Variants in DLG2 observed in about 807,000 individuals in gnomAD.
DLG2 encodes disks large homolog 2.
A neutral mutation model predicts 132.5 loss-of-function variants in DLG2; 45 were observed. The ratio of observed to expected loss-of-function variants is 0.34; its 90% confidence interval spans 0.27 to 0.44. The LOEUF is 0.44. Among genes scored for constraint, DLG2 ranks in the 20% least tolerant of loss-of-function variants. DLG2 has a pLI of 1.00. For synonymous variants in DLG2, 424 were observed against 419.6 expected (o/e 1.01, Z -0.13); for missense variants, 1,045 against 1,196.9 (o/e 0.87, Z 1.87).
At chr11:84,504,888 A>G (rs1345871253) in intron 7 of DLG2, among the ~76,000 whole-genome samples, 1 of 152,152 alleles carries the variant, frequency 6.6e-6, no homozygotes, top group Non-Finnish European at 1.5e-5. Flanking sequence ...AATAAGTTCA[A>G]ATATACCCTT....
intron 18 of DLG2, among the ~76,000 whole-genome samples, chr11:83,683,589 A>G (rs981211214): frequency 5.9e-5 from 9 of 152,196 alleles, no homozygotes; most frequent in African/African-American, 2.2e-4. Context: ...CTAATTTACT[A>G]AAACGCAGAT....
At chr11:84,967,254 C>T (rs1030827516) in intron 6 of DLG2, among the ~76,000 whole-genome samples, 3 of 151,986 alleles carry the variant, frequency 2.0e-5, no homozygotes, top group Non-Finnish European at 4.4e-5. Context: ...ATCTTTAAAA[C>T]TTTAAAAAAC....
intron 7 of DLG2, among the ~76,000 whole-genome samples, chr11:84,358,973 G>T (rs941296903): frequency 3.3e-5 from 5 of 151,848 alleles, no homozygotes; most frequent in African/African-American, 1.2e-4. Context: ...TTACTTGTCA[G>T]TTTTATGGGG....
chr11:84,624,209 T>G (rs2099618447), intron 6 of DLG2, among the ~76,000 whole-genome samples: 1 of 152,196 alleles, frequency 6.6e-6, no homozygotes, highest in Admixed American at 6.5e-5. Context: ...CTTGAGAAAC[T>G]TCAGCAGTGT....
chr11:84,176,200 CT>C (rs2095961229), intron 8 of DLG2, among the ~76,000 whole-genome samples: 1 of 151,726 alleles, frequency 6.6e-6, no homozygotes, highest in Non-Finnish European at 1.5e-5. Context: ...ACACTGGTCT[CT>C]TTTAAGAAAG....
At chr11:85,362,264 T>C in intron 3 of DLG2, among the ~76,000 whole-genome samples, 1 of 152,172 alleles carries the variant, frequency 6.6e-6, no homozygotes, top group Non-Finnish European at 1.5e-5. Flanking sequence ...CTCCTGTGAT[T>C]TGTTTATTTT....
At chr11:83,695,412 G>A (rs982232238) in intron 18 of DLG2, among the ~76,000 whole-genome samples, 1 of 152,200 alleles carries the variant, frequency 6.6e-6, no homozygotes, top group Non-Finnish European at 1.5e-5. Context: ...GAGAAATTAT[G>A]TGTGGGGAGG....
chr11:84,844,135 GTA>G (rs74200849), intron 6 of DLG2, among the ~76,000 whole-genome samples: 1,144 of 43,562 alleles, frequency 0.026, 13 homozygotes, highest in East Asian at 0.086. Flanking sequence ...GTGTGTGTGT[GTA>G]TATATATATA....
chr11:85,519,609 C>T (rs1027217007), intron 3 of DLG2, among the ~76,000 whole-genome samples: 1 of 152,116 alleles, frequency 6.6e-6, no homozygotes, highest in Non-Finnish European at 1.5e-5. Flanking sequence ...TGTGGACTTC[C>T]GTTAATGCTG....
At chr11:84,112,533 T>C (rs543991547) in intron 9 of DLG2, among the ~76,000 whole-genome samples, 3 of 150,224 alleles carry the variant, frequency 2.0e-5, no homozygotes, top group Non-Finnish European at 3.0e-5. Flanking sequence ...TGAGAATTTT[T>C]TTTTTTAGGC....
intron 18 of DLG2, among the ~76,000 whole-genome samples, chr11:83,638,189 C>A (rs926819859): frequency 2.4e-4 from 36 of 152,096 alleles, no homozygotes; most frequent in Non-Finnish European, 1.3e-4. Context: ...TTTTCTCCTC[C>A]ACATTTTTGA....
At chr11:85,045,858 C>T (rs910490473) in intron 6 of DLG2, among the ~76,000 whole-genome samples, 3 of 151,990 alleles carry the variant, frequency 2.0e-5, no homozygotes, top group African/African-American at 4.8e-5. Flanking sequence ...ACTTCTCTAG[C>T]GATGTCTGTT....
At chr11:84,645,772 T>A (rs969637616) in intron 6 of DLG2, among the ~76,000 whole-genome samples, 3 of 152,220 alleles carry the variant, frequency 2.0e-5, no homozygotes, top group Non-Finnish European at 4.4e-5. Context: ...AGGCCCATAG[T>A]TATATTTAAT....
At chr11:85,120,417 C>T (rs571936275) in intron 5 of DLG2, among the ~76,000 whole-genome samples, 36 of 151,976 alleles carry the variant, frequency 2.4e-4, no homozygotes, top group African/African-American at 8.4e-4. Flanking sequence ...AAGAAAACAC[C>T]ATATCTAGAA....
At chr11:83,878,672 C>T (rs566095453) in intron 15 of DLG2, among the ~76,000 whole-genome samples, 1 of 152,196 alleles carries the variant, frequency 6.6e-6, no homozygotes, top group South Asian at 2.1e-4. Context: ...GTCCCACCCA[C>T]ACCACCTCAT....
chr11:84,586,674 GC>G (rs2099530759), intron 6 of DLG2, among the ~76,000 whole-genome samples: 1 of 151,538 alleles, frequency 6.6e-6, no homozygotes, highest in Admixed American at 6.6e-5. Flanking sequence ...ATACACTTTT[GC>G]TTTATATTTG....
At chr11:83,546,126 T>G (rs1227154988) in intron 19 of DLG2, among the ~76,000 whole-genome samples, 3 of 152,104 alleles carry the variant, frequency 2.0e-5, no homozygotes, top group African/African-American at 4.8e-5. Flanking sequence ...CCTTGCCAAC[T>G]GGGGAAGTCT....
chr11:83,464,429 C>T (rs970458595), intron 26 of DLG2, among the ~76,000 whole-genome samples: 2 of 152,220 alleles, frequency 1.3e-5, no homozygotes, highest in African/African-American at 4.8e-5. Flanking sequence ...TTCATGGCAG[C>T]TTTGCTCCTG....
intron 10 of DLG2, among the ~76,000 whole-genome samples, chr11:84,063,407 C>G (rs1250937451): frequency 6.6e-6 from 1 of 152,192 alleles, no homozygotes; most frequent in Non-Finnish European, 1.5e-5. Context: ...CTAAATTTTG[C>G]ACTAAATCAA....
Sources: gnomAD v4.1 joint callset for allele counts (sites outside exome capture counted in the v4.1 genomes callset) on GRCh38, gnomAD v4.1.1 for gene constraint, MANE v1.5 for transcripts, NCBI Gene and HGNC (gene_info 2026-07-23, HGNC 2026-07-21) for gene names.